Variants in NELFE observed in about 807,000 individuals in gnomAD.
The protein encoded by NELFE is negative elongation factor complex member E.
In NELFE, 26 loss-of-function variants were observed where a neutral mutation model predicts 55.5. The ratio of observed to expected loss-of-function variants is 0.47; its 90% CI spans 0.34 to 0.65. The LOEUF is 0.65. Among genes scored for constraint, NELFE ranks in the 30% least tolerant of loss-of-function variants. NELFE has a pLI of 0.01. For missense variants in NELFE, 403 were observed against 506.9 expected (o/e 0.80, Z 1.97); for synonymous variants, 162 against 178.0 (o/e 0.91, Z 0.72).
In NELFE at chr6:31,954,309, G is replaced by A; in HGVS notation, c.876C>T (p.Asp292=). 1 of 1,611,744 alleles carries A rather than the reference G, an allele frequency of 6.2e-7. No homozygotes were observed. Among genetic ancestry groups the A allele is most frequent in the Non-Finnish European group, 8.5e-7 (1 of 1,178,860 alleles). ...PFGNIIDLSM[D]PPRNCAFVTY... is the part of the protein sequence containing the mutation. ...GTTGTCATCCTTACTTTCTGGGTGG[G>A]TCCATGGAGAGGTCAATGATGTTTC... The change falls in exon 8 of 11, where the codon GAC becomes GAT. Residue 292 remains aspartate, a synonymous_variant. Coordinates refer to ENST00000375429, the MANE Select transcript of NELFE (RefSeq NM_002904.6). The surrounding 1 kb of genome is among the most constrained non-coding windows in gnomAD (Gnocchi z 5.5).
At position 31,952,379 on chromosome 6, in the gene NELFE, C is replaced by G; in HGVS notation, c.1065G>C (p.Lys355Asn). 6.2e-7 allele frequency: 1 copy of G among 1,613,996 alleles called. No homozygotes were observed. Among genetic ancestry groups the G allele is most frequent in the South Asian group, 1.1e-5 (1 of 91,068 alleles). ...GGGTCCTCTTGTCCCGGTGGCAACCCTTAGGGCTGTTCTGGACAGCTAGGG... is the reference window on the plus strand; with the variant it reads ...GGGTCCTCTTGTCCCGGTGGCAACCGTTAGGGCTGTTCTGGACAGCTAGGG... ...WGSLAVQNSP[K>N]GCHRDKRTQI... Residue 355 changes from lysine to asparagine, a missense_variant, in exon 11 of 11, where the codon AAG becomes AAC. Lys to Asn is a moderately conservative substitution (Grantham distance 94, BLOSUM62 0). Around this residue, in one of 3 missense-constraint regions of NELFE, gnomAD observed 77 missense variants for 123.3 expected, o/e 0.62. Transcript: ENST00000375429.
At chr6:31,957,506 G>A (rs2151798564) in intron 2 of NELFE, 1 of 456,286 alleles carries the variant, frequency 2.2e-6, no homozygotes, top group Non-Finnish European at 4.4e-6. Context: ...CTGAAAGCTA[G>A]TAAGATTTTC....
At position 31,954,280 on chromosome 6, in the gene NELFE, C is replaced by T. The variant is rs1489109013; in HGVS notation, c.887+18G>A. The T allele has an allele frequency of 6.2e-7, 1 of 1,608,516 alleles. No homozygotes were observed. Among genetic ancestry groups the T allele is most frequent in the Non-Finnish European group, 8.5e-7 (1 of 1,177,208 alleles). On this transcript the variant is annotated intron_variant, in intron 8 of 10. Coordinates refer to ENST00000375429, the MANE Select transcript of NELFE (RefSeq NM_002904.6). This position sits in a 1 kb window ranked among gnomAD's most constrained non-coding sequence, Gnocchi z 5.5. ...GATTCTCCCAGGACTTCTCATCATGCCCTGTTGTCATCCTTACTTTCTGGG... is the reference window on the plus strand; with the variant it reads ...GATTCTCCCAGGACTTCTCATCATGTCCTGTTGTCATCCTTACTTTCTGGG...
chr6:31,958,596 G>A (rs1332058405), intron 1 of NELFE, 142 bp from the exon 2 acceptor site: 1 of 743,956 alleles, frequency 1.3e-6, no homozygotes, highest in African/African-American at 1.7e-5. Flanking sequence ...CTTAAACCAG[G>A]CTGCTGTCCA....
intron 2 of NELFE, 26 bp downstream of exon 2, chr6:31,958,346 G>A: frequency 6.2e-7 from 1 of 1,604,184 alleles, no homozygotes; most frequent in Non-Finnish European, 8.5e-7. Flanking sequence ...TGAAAGGTTA[G>A]GCCATGTCCA....
In NELFE at chr6:31,952,926, T is replaced by C. The variant is rs573500435; in HGVS notation, c.1046-528A>G. ...ATTCTCTCTCAAGCCTCTAGCTGTT[T>C]CTTCCCCTTCCTCTTTCCTCCCTCC... On this transcript the variant is annotated intron_variant, in intron 10 of 10. Transcript: ENST00000375429. Among the ~76,000 whole-genome samples, 145 of 152,310 alleles carry C rather than the reference T, an allele frequency of 9.5e-4. 1 individual carries two copies. Among genetic ancestry groups the C allele is most frequent in the Admixed American group, 3.4e-3 (52 of 15,302 alleles).
At chr6:31,955,380 T>C in intron 4 of NELFE, 87 bp from the exon 5 acceptor site, 1 of 877,276 alleles carries the variant, frequency 1.1e-6, no homozygotes, top group South Asian at 2.0e-5. Context: ...CACCCTCTTC[T>C]AGGTTTCCTC....
In NELFE at chr6:31,953,828, T is replaced by C. The variant is rs1014404911; in HGVS notation, c.946A>G (p.Asn316Asp). The C allele has an allele frequency of 6.2e-7, 1 of 1,612,856 alleles. No homozygotes were observed. Reference protein sequence around the residue: ...ESADQAVAELNGTQVESVQLK... With the variant: ...ESADQAVAELDGTQVESVQLK... The stretch of plus-strand genomic sequence containing the variant: ...TGTACAGACTCCACCTGGGTCCCGT[T>C]GAGCTGAAGCAGAAGAGGGGAGGCA... The change falls in exon 10 of 11, where the codon AAC (asparagine) becomes GAC (aspartate). Residue 316 changes from asparagine (N) to aspartate (D), a missense_variant. By Grantham distance (23) the Asn-to-Asp change is conservative. Around this residue, in one of 3 missense-constraint regions of NELFE, gnomAD observed 77 missense variants for 123.3 expected, o/e 0.62. Coordinates refer to ENST00000375429, the MANE Select transcript of NELFE (RefSeq NM_002904.6).
intron 10 of NELFE, among the ~76,000 whole-genome samples, chr6:31,952,746 C>T (rs992487322): frequency 1.3e-5 from 2 of 152,186 alleles, no homozygotes; most frequent in Non-Finnish European, 2.9e-5. Context: ...AATTCTAGTT[C>T]CTTTCTTTTG....
intron 4 of NELFE, 23 bp downstream of exon 4, chr6:31,956,670 A>G: frequency 6.3e-7 from 1 of 1,581,772 alleles, no homozygotes; most frequent in Non-Finnish European, 8.6e-7. Flanking sequence ...TGCCCTTTAA[A>G]CAATCTTTCT....
chr6:31,953,811 C>T lies in NELFE; in HGVS notation c.963G>A (p.Glu321=), dbSNP rs1455025192. 3.1e-6 allele frequency: 5 copies of T among 1,612,960 alleles called. No individual in the cohort carries two copies. The highest frequency in any genetic ancestry group is 4.2e-6 in the Non-Finnish European group (5 of 1,180,030). The change falls in exon 10 of 11, where the codon GAG becomes GAA. Residue 321 remains glutamate (E), a synonymous_variant. Transcript: ENST00000375429. ...AVAELNGTQV[E]SVQLKVNIAR... is the part of the protein sequence containing the mutation. ...CTATGTTGACTTTGAGCTGTACAGACTCCACCTGGGTCCCGTTGAGCTGAA... is the reference window on the plus strand; with the variant it reads ...CTATGTTGACTTTGAGCTGTACAGATTCCACCTGGGTCCCGTTGAGCTGAA...
chr6:31,955,355 G>A, intron 4 of NELFE, 62 bp from the exon 5 acceptor site: 6 of 1,237,034 alleles, frequency 4.9e-6, no homozygotes, highest in Non-Finnish European at 6.8e-6. Flanking sequence ...TGGACCAGAG[G>A]TGTTCCTCTT....
At chr6:31,956,220 C>T (rs1265906) in intron 4 of NELFE, among the ~76,000 whole-genome samples, 17,812 of 152,124 alleles carry the variant, frequency 0.12, 1,211 homozygotes, top group African/African-American at 0.19. Flanking sequence ...TGAGCCACCG[C>T]GCCCGGCCTC....
In NELFE at chr6:31,954,421, C is replaced by T. The variant is rs371661310; in HGVS notation, c.764G>A (p.Arg255Gln). ...AGTATTCCCTTTCCTAGGGGCTCGC[C>T]GTTCAGGGAATGAATCCGACCCTTT... ...PFRRSDSFPE[R>Q]RAPRKGNTLY... The change falls in exon 8 of 11, where the codon CGG (arginine) becomes CAG (glutamine). Residue 255 changes from arginine to glutamine, a missense_variant. Physicochemically the swap from Arg to Gln is conservative, Grantham distance 43. Coordinates refer to ENST00000375429, the MANE Select transcript of NELFE (RefSeq NM_002904.6). This position sits in a 1 kb window ranked among gnomAD's most constrained non-coding sequence, Gnocchi z 5.5. 60 of 1,605,410 alleles carry T rather than the reference C, an allele frequency of 3.7e-5. 1 individual carries two copies. The South Asian group carries it at 4.9e-4, about 13-fold the overall frequency.
At chr6:31,958,135 C>T (rs928142624) in intron 2 of NELFE, among the ~76,000 whole-genome samples, 1 of 152,180 alleles carries the variant, frequency 6.6e-6, no homozygotes, top group Non-Finnish European at 1.5e-5. Context: ...GGATCATCAG[C>T]TCTTAAGCGG....
intron 4 of NELFE, 33 bp downstream of exon 4, chr6:31,956,660 T>A: frequency 1.1e-5 from 18 of 1,569,936 alleles, no homozygotes; most frequent in Non-Finnish European, 1.6e-5. Context: ...CTTGGAGGGA[T>A]GCCCTTTAAA....
At chr6:31,957,605 G>A (rs1285688421) in intron 2 of NELFE, among the ~76,000 whole-genome samples, 3 of 152,222 alleles carry the variant, frequency 2.0e-5, no homozygotes, top group Non-Finnish European at 4.4e-5. Flanking sequence ...AGAAAACAGG[G>A]TGGCAAAGAT....
rs1461245631 is a variant in NELFE at position 31,954,379 on chromosome 6, T to C, written c.806A>G (p.Glu269Gly). ...ACGGAGAAGGGTGGGTGTCATGTCT[T>C]CTCCATATACATAGAGAGTATTCCC... ...RKGNTLYVYG[E>G]DMTPTLLRGA... The change falls in exon 8 of 11, where the codon GAA (glutamate) becomes GGA (glycine). Residue 269 changes from glutamate to glycine, a missense_variant. Around this residue, in one of 3 missense-constraint regions of NELFE, gnomAD observed 229 missense variants for 228.3 expected, o/e 1.00. Coordinates refer to ENST00000375429, the MANE Select transcript of NELFE (RefSeq NM_002904.6). The surrounding 1 kb of genome is among the most constrained non-coding windows in gnomAD (Gnocchi z 5.5). 8.1e-6 allele frequency: 13 copies of C among 1,613,506 alleles called. No individual in the cohort carries two copies. Among genetic ancestry groups the C allele is most frequent in the Non-Finnish European group, 1.1e-5 (13 of 1,179,810 alleles).
chr6:31,954,784 T>C lies in NELFE; in HGVS notation c.513A>G (p.Glu171=), dbSNP rs759946965. 2 of 1,611,548 alleles carry C rather than the reference T, an allele frequency of 1.2e-6. No homozygotes were observed. Among genetic ancestry groups the C allele is most frequent in the Admixed American group, 1.7e-5 (1 of 59,988 alleles). ...CTGAGGAGTGGGCACCACTGCGTTC[T>C]TCATAGCCCCAGTCAAAGCTTCGAG... ...GPPRSFDWGY[E]ERSGAHSSAS... The change falls in exon 7 of 11, where the codon GAA becomes GAG. Residue 171 remains glutamate, a synonymous_variant. Transcript: ENST00000375429. This position sits in a 1 kb window ranked among gnomAD's most constrained non-coding sequence, Gnocchi z 5.5.
Sources: gnomAD v4.1 joint callset for allele counts (sites outside exome capture counted in the v4.1 genomes callset) on GRCh38, gnomAD v4.1.1 for gene constraint, gnomAD v4.1.1 regional missense constraint, Gnocchi (gnomAD v3.1) non-coding constraint, MANE v1.5 for transcripts, NCBI Gene and HGNC (gene_info 2026-07-23, HGNC 2026-07-21) for gene names.